The following SDK1 variants were observed in gnomAD, a reference collection of about 807,000 sequenced individuals.
SDK1 encodes the protein sidekick cell adhesion molecule 1, also known as protein sidekick-1.
Under a neutral mutation model 245.5 loss-of-function variants are expected in SDK1, and 157 were observed. The ratio of observed to expected loss-of-function variants is 0.64; its 90% CI spans 0.56 to 0.73. The LOEUF (loss-of-function observed/expected upper bound fraction) is 0.73. Among genes scored for constraint, SDK1 ranks in the 30% least tolerant of loss-of-function variants. SDK1 has a pLI of 0.00. For synonymous variants in SDK1, 1,647 were observed against 1,278.5 expected, an observed-to-expected ratio of 1.29 and a Z score of -6.15; for missense variants, 3,583 against 3,002.3, an observed-to-expected ratio of 1.19 and a Z score of -4.52.
Position 4,220,061 on chromosome 7 carries a change from C to T in SDK1, c.5540-48C>T, listed in dbSNP as rs550989067. ...CAACAGAACAGACAGTGGACAGTTG[C>T]TTCTCCAGGCTGAACCCCCTTGTTT... On this transcript the variant is annotated intron_variant, in intron 38 of 44. Coordinates refer to ENST00000404826, the MANE Select transcript of SDK1 (RefSeq NM_152744.4). The T allele has an allele frequency of 5.0e-6, 8 of 1,590,520 alleles. No homozygotes were observed. The African/African-American group carries it at 1.1e-4, about 21-fold the overall frequency.
chr7:3,352,354 G>A (rs1211741962), intron 1 of SDK1, among the ~76,000 whole-genome samples: 1 of 152,058 alleles, frequency 6.6e-6, no homozygotes, highest in Non-Finnish European at 1.5e-5. Context: ...GATCATGTAT[G>A]TGGGATTAGG....
intron 25 of SDK1, among the ~76,000 whole-genome samples, chr7:4,122,170 C>G (rs1784105848): frequency 6.6e-6 from 1 of 152,198 alleles, no homozygotes; most frequent in African/African-American, 2.4e-5. Flanking sequence ...ATGGAGATTT[C>G]ACAGCCTTCT....
chr7:3,661,884 G>T (rs1783371755), intron 4 of SDK1, among the ~76,000 whole-genome samples: 1 of 152,076 alleles, frequency 6.6e-6, no homozygotes, highest in Non-Finnish European at 1.5e-5. Context: ...TCATAGCATG[G>T]CTGAGGGGGT....
At chr7:4,012,256 C>T in intron 16 of SDK1, 21 bp downstream of exon 16, 2 of 1,460,646 alleles carry the variant, frequency 1.4e-6, no homozygotes, top group Non-Finnish European at 9.0e-7. Context: ...TGTGATTGGC[C>T]ATCTTTAGGC....
At chr7:4,062,301 A>G (rs1189112696) in intron 19 of SDK1, among the ~76,000 whole-genome samples, 1 of 152,170 alleles carries the variant, frequency 6.6e-6, no homozygotes, top group Admixed American at 6.5e-5. Flanking sequence ...CCACAGAAAT[A>G]CAAAATATCA....
At chr7:3,674,410 C>T (rs533319150) in intron 4 of SDK1, among the ~76,000 whole-genome samples, 3 of 152,110 alleles carry the variant, frequency 2.0e-5, no homozygotes, top group South Asian at 2.1e-4. Flanking sequence ...CAGGGGAGGA[C>T]CAGCCTTCCT....
chr7:3,348,502 T>C (rs1003172563), intron 1 of SDK1, among the ~76,000 whole-genome samples: 4 of 151,648 alleles, frequency 2.6e-5, no homozygotes, highest in African/African-American at 9.7e-5. Flanking sequence ...AAACATCGAG[T>C]GCATATGGAC....
At chr7:3,840,146 A>G (rs1282595146) in intron 5 of SDK1, among the ~76,000 whole-genome samples, 1 of 152,206 alleles carries the variant, frequency 6.6e-6, no homozygotes, top group African/African-American at 2.4e-5. Flanking sequence ...ATCGTTTTTC[A>G]AAATTTTTAT....
At chr7:3,961,061 T>G (rs1454799688) in intron 8 of SDK1, among the ~76,000 whole-genome samples, 2 of 152,264 alleles carry the variant, frequency 1.3e-5, no homozygotes, top group Non-Finnish European at 2.9e-5. Context: ...TCTGTTTTTT[T>G]GCACGACTTC....
intron 4 of SDK1, among the ~76,000 whole-genome samples, chr7:3,752,939 G>C (rs538579790): frequency 1.4e-4 from 22 of 152,190 alleles, no homozygotes; most frequent in Non-Finnish European, 2.4e-4. Flanking sequence ...TCTAAATTTT[G>C]TTGTTATCTC....
chr7:3,527,795 A>G (rs1213731636), intron 1 of SDK1, among the ~76,000 whole-genome samples: 1 of 150,978 alleles, frequency 6.6e-6, no homozygotes, highest in African/African-American at 2.4e-5. Context: ...ATAGCCAGCT[A>G]GAGGGTGAAT....
At chr7:4,233,516 G>A in intron 41 of SDK1, 97 bp downstream of exon 41, 1 of 1,210,220 alleles carries the variant, frequency 8.3e-7, no homozygotes, top group East Asian at 2.4e-5. Context: ...CCTGAAGGGT[G>A]GGAGGGAGAA....
intron 1 of SDK1, among the ~76,000 whole-genome samples, chr7:3,609,763 C>T (rs937886811): frequency 4.1e-5 from 6 of 147,010 alleles, no homozygotes; most frequent in Admixed American, 2.1e-4. Flanking sequence ...TGCAGTGGCA[C>T]GATCTTGGCT....
intron 1 of SDK1, among the ~76,000 whole-genome samples, chr7:3,599,725 C>T (rs866571419): frequency 6.6e-6 from 1 of 152,160 alleles, no homozygotes. Context: ...GTCCCTCCTC[C>T]ACTGAATTTT....
At chr7:4,250,768 T>A (rs531275261) in intron 44 of SDK1, among the ~76,000 whole-genome samples, 3 of 152,328 alleles carry the variant, frequency 2.0e-5, no homozygotes, top group Non-Finnish European at 4.4e-5. Context: ...CTAGTCAGAA[T>A]CTTCTTTTTA....
chr7:3,437,350 G>T (rs866321992), intron 1 of SDK1, among the ~76,000 whole-genome samples: 1 of 152,134 alleles, frequency 6.6e-6, no homozygotes, highest in Non-Finnish European at 1.5e-5. Flanking sequence ...GACAAAATGC[G>T]AGTTTCTATA....
At chr7:4,080,891 A>G (rs570251133) in intron 22 of SDK1, among the ~76,000 whole-genome samples, 1 of 152,324 alleles carries the variant, frequency 6.6e-6, no homozygotes, top group African/African-American at 2.4e-5. Context: ...AGAAAAAAGA[A>G]AATCAGTCTT....
At chr7:3,971,791 G>A (rs1057213095) in intron 12 of SDK1, among the ~76,000 whole-genome samples, 5 of 152,280 alleles carry the variant, frequency 3.3e-5, no homozygotes, top group African/African-American at 1.2e-4. Flanking sequence ...ACTTCATGAC[G>A]TTAATGCTGC....
intron 4 of SDK1, among the ~76,000 whole-genome samples, chr7:3,799,959 A>G (rs1321114049): frequency 1.3e-5 from 2 of 152,110 alleles, no homozygotes; most frequent in Admixed American, 6.5e-5. Context: ...TCTCCATGAG[A>G]TGGAAAAATA....
Sources: allele counts gnomAD v4.1 joint callset (sites outside exome capture counted in the v4.1 genomes callset), GRCh38; gene constraint gnomAD v4.1.1; transcripts MANE v1.5; gene names NCBI Gene and HGNC (gene_info 2026-07-23, HGNC 2026-07-21).